The following ROBO1 variants were observed in gnomAD, a reference collection of about 807,000 sequenced individuals.
ROBO1 encodes the protein roundabout homolog 1.
ROBO1 carries 149 observed loss-of-function variants against 195.9 expected under a neutral mutation model. The ratio of observed to expected loss-of-function variants is 0.76; its 90% CI spans 0.67 to 0.87. ROBO1 has a LOEUF of 0.87. Ranked by LOEUF, ROBO1 falls within the 40% of genes least tolerant of loss-of-function variation. The pLI is 0.00. For missense variants in ROBO1, 1,933 were observed against 2,068.3 expected (o/e 0.93, Z 1.27); for synonymous variants, 816 against 733.2 (o/e 1.11, Z -1.82).
intron 2 of ROBO1, among the ~76,000 whole-genome samples, chr3:79,392,512 A>G (rs1245127544): frequency 1.3e-5 from 2 of 152,176 alleles, no homozygotes; most frequent in Non-Finnish European, 2.9e-5. Flanking sequence ...GATTATTTGA[A>G]TGGGTTTTTA....
intron 2 of ROBO1, among the ~76,000 whole-genome samples, chr3:79,513,865 G>T (rs956255893): frequency 6.6e-6 from 1 of 152,100 alleles, no homozygotes; most frequent in Non-Finnish European, 1.5e-5. Context: ...AAATTATATT[G>T]CTAAAATATC....
At chr3:79,587,976 GA>G (rs200313052) in intron 2 of ROBO1, among the ~76,000 whole-genome samples, 4 of 151,126 alleles carry the variant, frequency 2.6e-5, no homozygotes, top group African/African-American at 4.9e-5. Flanking sequence ...CTGTAGTCCT[GA>G]AAAAAAAGGC....
At chr3:78,724,513 T>TAA (rs138643700) in intron 5 of ROBO1, among the ~76,000 whole-genome samples, 3 of 89,638 alleles carry the variant, frequency 3.3e-5, no homozygotes, top group African/African-American at 8.6e-5. Flanking sequence ...CCATCTCTAC[T>TAA]AAAAAAAAAA....
At position 79,037,602 on chromosome 3, in the gene ROBO1, T is replaced by C. The variant is rs187860684; in HGVS notation, c.172+87854A>G. On this transcript the variant is annotated intron_variant, in intron 3 of 30. Transcript: ENST00000464233. Reference sequence around the variant, plus strand: ...ATTTTATGTTTACCATGAAAATTGTTCAGAAGCCATGCTGCTAGATATAGT... The same window carrying C: ...ATTTTATGTTTACCATGAAAATTGTCCAGAAGCCATGCTGCTAGATATAGT... 3.4e-3 allele frequency among the ~76,000 whole-genome samples: 520 copies of C among 152,308 alleles called. 2 individuals carry two copies. Among genetic ancestry groups the C allele is most frequent in the Non-Finnish European group, 5.3e-3 (359 of 68,016 alleles).
At chr3:79,015,239 G>A (rs755574928) in intron 3 of ROBO1, among the ~76,000 whole-genome samples, 9 of 152,010 alleles carry the variant, frequency 5.9e-5, no homozygotes, top group African/African-American at 9.7e-5. Context: ...TAGCCAGATC[G>A]TATCGGAACT....
At chr3:79,760,567 G>A (rs776344746) in intron 1 of ROBO1, among the ~76,000 whole-genome samples, 1 of 144,852 alleles carries the variant, frequency 6.9e-6, no homozygotes, top group African/African-American at 2.5e-5. Context: ...AAAGATAAAT[G>A]TCTCACTAGA....
intron 5 of ROBO1, among the ~76,000 whole-genome samples, chr3:78,718,839 GGAGGGAGGGAGA>G: frequency 7.0e-6 from 1 of 142,208 alleles, no homozygotes; most frequent in Admixed American, 7.0e-5. Context: ...AGGGAGAGAG[GGAGGGAGGGAGA>G]GAGGGAGGGA....
chr3:79,647,830 G>GA (rs1328045630), intron 1 of ROBO1, among the ~76,000 whole-genome samples: 3 of 151,666 alleles, frequency 2.0e-5, no homozygotes, highest in South Asian at 2.1e-4. Flanking sequence ...ATGTTGATGA[G>GA]AAAAAAAACC....
intron 2 of ROBO1, among the ~76,000 whole-genome samples, chr3:79,287,071 C>T (rs1315827472): frequency 6.6e-6 from 1 of 152,106 alleles, no homozygotes; most frequent in Non-Finnish European, 1.5e-5. Context: ...CAATGAGTCA[C>T]TGTATCTTAT....
rs1380855492 is a variant in ROBO1 at position 78,718,811 on chromosome 3, G to GGAGA, written c.658-929_658-928insTCTC. ...GGAAGGAAGGAAGGAAGGAAGGGAG[G>GGAGA]GAGGGAGAGAGGGAGAGAGGGAGAG... On this transcript the variant is annotated intron_variant, in intron 5 of 30. Transcript: ENST00000464233. Among the ~76,000 whole-genome samples, 198 of 127,500 alleles carry GGAGA rather than the reference G, an allele frequency of 1.6e-3. 1 individual carries two copies. Among genetic ancestry groups the GGAGA allele is most frequent in the African/African-American group, 6.0e-3 (187 of 30,914 alleles). 83.6% of individuals were successfully genotyped at this position (127,500 alleles called of 152,430 possible). A position where few individuals can be genotyped will look rare whatever the true frequency, so the allele number is the denominator to read the frequency against.
chr3:79,308,766 G>A (rs1171029426), intron 2 of ROBO1, among the ~76,000 whole-genome samples: 2 of 152,094 alleles, frequency 1.3e-5, no homozygotes, highest in Non-Finnish European at 2.9e-5. Flanking sequence ...TATCTTCTCT[G>A]CAATATTAAA....
intron 2 of ROBO1, among the ~76,000 whole-genome samples, chr3:79,296,272 T>A (rs539520072): frequency 2.7e-4 from 41 of 152,310 alleles, no homozygotes; most frequent in Middle Eastern, 3.4e-3. Context: ...AACTCAATAA[T>A]GCATTAATAC....
chr3:79,704,790 T>C (rs1947718292), intron 1 of ROBO1, among the ~76,000 whole-genome samples: 1 of 152,072 alleles, frequency 6.6e-6, no homozygotes, highest in Admixed American at 6.6e-5. Flanking sequence ...CTACATCATT[T>C]TACTTTCCCA....
chr3:79,418,685 AAGAT>A (rs1233223121), intron 2 of ROBO1, among the ~76,000 whole-genome samples: 3 of 152,180 alleles, frequency 2.0e-5, no homozygotes, highest in Non-Finnish European at 4.4e-5. Flanking sequence ...ATACAAGAGA[AAGAT>A]AGATACATAC....
At chr3:79,087,507 CTTCCTTCCTTCCTTCCT>C (rs1410218864) in intron 3 of ROBO1, among the ~76,000 whole-genome samples, 3 of 151,032 alleles carry the variant, frequency 2.0e-5, no homozygotes, top group African/African-American at 7.3e-5. Flanking sequence ...GCTTCTTTCT[CTTCCTTCCTTCCTTCCT>C]TTCCTTCCTT....
intron 1 of ROBO1, among the ~76,000 whole-genome samples, chr3:79,694,626 G>A (rs1490874491): frequency 2.0e-5 from 3 of 151,814 alleles, no homozygotes; most frequent in East Asian, 1.9e-4. Context: ...AGTTTGAAGG[G>A]GGATTAGTAA....
rs566981428 is a variant in ROBO1, at chr3:78,940,020, T to C, written c.173-1093A>G. On this transcript the variant is annotated intron_variant, in intron 3 of 30. Coordinates refer to ENST00000464233, the MANE Select transcript of ROBO1 (RefSeq NM_002941.4). ...GAATGATGTTTCATATTTTATAACA[T>C]TCCTATCTTATTTCTGCTTATATAC... 2.0e-5 allele frequency among the ~76,000 whole-genome samples: 3 copies of C among 152,288 alleles called. No homozygotes were observed. In the East Asian group the frequency reaches 5.8e-4, roughly 29 times the overall value.
chr3:79,012,682 G>C (rs1433465558), intron 3 of ROBO1, among the ~76,000 whole-genome samples: 1 of 152,172 alleles, frequency 6.6e-6, no homozygotes, highest in Non-Finnish European at 1.5e-5. Flanking sequence ...GAAGTAAGAG[G>C]ATTTGTAGCA....
intron 3 of ROBO1, among the ~76,000 whole-genome samples, chr3:79,098,090 A>T (rs562609191): frequency 6.6e-6 from 1 of 151,928 alleles, no homozygotes; most frequent in South Asian, 2.1e-4. Context: ...GATGACTGAG[A>T]ACCAAAAAAG....
Sources: gnomAD v4.1 joint callset for allele counts (sites outside exome capture counted in the v4.1 genomes callset) on GRCh38, gnomAD v4.1.1 for gene constraint, MANE v1.5 for transcripts, NCBI Gene and HGNC (gene_info 2026-07-23, HGNC 2026-07-21) for gene names.